Variants in PRH1 observed in about 807,000 individuals in gnomAD.
PRH1 encodes the protein salivary acidic proline-rich phosphoprotein 1/2.
In PRH1, 7 loss-of-function variants were observed where a neutral mutation model predicts 7.9. That is an observed-to-expected ratio of 0.89 (90% CI 0.50 to 1.67). The LOEUF (loss-of-function observed/expected upper bound fraction) is 1.67. PRH1 is among the 40% of genes most tolerant of loss of function. The probability of loss-of-function intolerance (pLI) is 0.00; values close to 1 mark genes in which losing one functional copy is unlikely to be tolerated. For synonymous variants in PRH1, 45 were observed against 80.8 expected (o/e 0.56, Z 2.38); for missense variants, 109 against 223.6 (o/e 0.49, Z 3.27).
At chr12:10,920,130 G>C (rs936125581) in intron 2 of PRH1, among the ~76,000 whole-genome samples, 4 of 151,970 alleles carry the variant, frequency 2.6e-5, no homozygotes, top group African/African-American at 9.7e-5. Context: ...CTTAACTCAA[G>C]TGATCTTCCC....
chr12:11,031,577 T>C lies in PRH1; in HGVS notation c.-126+15443A>G, dbSNP rs138630191. 8.9e-3 allele frequency among the ~76,000 whole-genome samples: 1,353 copies of C among 152,154 alleles called. 12 individuals carry two copies. Among genetic ancestry groups the C allele is most frequent in the Non-Finnish European group, 0.014 (939 of 67,998 alleles). On this transcript the variant is annotated intron_variant, in intron 1 of 3. Coordinates refer to the PRH1 transcript ENST00000539853. Reference sequence around the variant, plus strand: ...ACCCAGGCAGGTTGCTGCTGCTGGCTGAAGCCATGAGCTTTTATTCCCTTA... The same window carrying C: ...ACCCAGGCAGGTTGCTGCTGCTGGCCGAAGCCATGAGCTTTTATTCCCTTA...
At chr12:10,950,132 C>T (rs1950546937) in intron 2 of PRH1, among the ~76,000 whole-genome samples, 1 of 151,976 alleles carries the variant, frequency 6.6e-6, no homozygotes, top group Admixed American at 6.6e-5. Context: ...CATAAGTATG[C>T]CATAATTTAT....
At chr12:11,160,996 A>G (rs915462348) in intron 1 of PRH1, among the ~76,000 whole-genome samples, 6 of 152,168 alleles carry the variant, frequency 3.9e-5, no homozygotes, top group South Asian at 2.1e-4. Context: ...CATATAGACT[A>G]TATTTCCAAG....
intron 2 of PRH1, among the ~76,000 whole-genome samples, chr12:10,955,291 A>T (rs1454342736): frequency 6.6e-6 from 1 of 152,208 alleles, no homozygotes; most frequent in Non-Finnish European, 1.5e-5. Context: ...CCTTAAAACC[A>T]TATAATTACA....
chr12:10,987,486 C>T (rs1238936451), intron 1 of PRH1, among the ~76,000 whole-genome samples: 2 of 151,752 alleles, frequency 1.3e-5, no homozygotes, highest in Non-Finnish European at 2.9e-5. Context: ...GCTGCTAACC[C>T]AATACTTTTG....
chr12:10,908,750 C>T, intron 2 of PRH1: 2 of 1,613,876 alleles, frequency 1.2e-6, no homozygotes, highest in Admixed American at 1.7e-5. Context: ...TGAACATAGT[C>T]ATAGTGAATT....
Position 11,077,918 on chromosome 12 carries a change from T to A in PRH1, n.124-30730A>T, listed in dbSNP as rs148780492. On this transcript the variant is annotated intron_variant and non_coding_transcript_variant, in intron 1 of 4. Transcript: ENST00000541977. ...ATAAGGTTGGAGAAATTGGCAATCT[T>A]GAGCAAATAAAATATGCTGAGGCTA... 3.1e-4 allele frequency: 302 copies of A among 984,720 alleles called. 10 individuals are homozygous for A. In the East Asian group the frequency reaches 6.9e-3, roughly 23 times the overall value. The allele number at this position is 984,720 out of a possible 1,614,324, so 61.0% of individuals were successfully genotyped here. A position where few individuals can be genotyped will look rare whatever the true frequency, so the allele number is the denominator to read the frequency against.
At chr12:10,930,706 C>G in intron 2 of PRH1, 2 of 1,613,840 alleles carry the variant, frequency 1.2e-6, no homozygotes, top group African/African-American at 1.3e-5. Context: ...GCGTCAGGGA[C>G]CACCTTTGGG....
chr12:10,955,608 A>T (rs933466868), intron 2 of PRH1, among the ~76,000 whole-genome samples: 4 of 151,964 alleles, frequency 2.6e-5, no homozygotes, highest in Admixed American at 1.3e-4. Context: ...AATTGTGATT[A>T]AAAAAAACAT....
intron 1 of PRH1, among the ~76,000 whole-genome samples, chr12:11,074,252 A>T (rs1944204399): frequency 6.7e-6 from 1 of 150,178 alleles, no homozygotes; most frequent in South Asian, 2.1e-4. Context: ...TAGAGAACTT[A>T]TTTGGAGATT....
intron 2 of PRH1, among the ~76,000 whole-genome samples, chr12:10,970,432 A>G (rs906637518): frequency 3.3e-5 from 5 of 152,226 alleles, no homozygotes; most frequent in African/African-American, 9.6e-5. Context: ...TAAATTGGAA[A>G]TAAGAACAAA....
At chr12:11,002,983 A>G (rs1053060887) in intron 1 of PRH1, among the ~76,000 whole-genome samples, 1 of 151,996 alleles carries the variant, frequency 6.6e-6, no homozygotes, top group Non-Finnish European at 1.5e-5. Flanking sequence ...AAATTCCCTA[A>G]TTGCTGCCAA....
chr12:11,037,630 A>T (rs1404165198), intron 1 of PRH1, among the ~76,000 whole-genome samples: 2 of 152,264 alleles, frequency 1.3e-5, no homozygotes, highest in Non-Finnish European at 2.9e-5. Context: ...TCAAATTGGA[A>T]ATAAAAAGTG....
intron 2 of PRH1, among the ~76,000 whole-genome samples, chr12:10,925,812 G>C (rs867180305): frequency 6.6e-6 from 1 of 152,152 alleles, no homozygotes; most frequent in Non-Finnish European, 1.5e-5. Flanking sequence ...TGAATAGCAA[G>C]TGAGTAGTGG....
At chr12:10,929,435 AC>A in intron 2 of PRH1, 1 of 1,451,044 alleles carries the variant, frequency 6.9e-7, no homozygotes. Flanking sequence ...GGATGAGAAA[AC>A]AGATAGGACT....
intron 1 of PRH1, among the ~76,000 whole-genome samples, chr12:11,103,544 T>C (rs1198697560): frequency 2.1e-5 from 1 of 47,578 alleles, no homozygotes; most frequent in African/African-American, 8.2e-5. Flanking sequence ...TGTTGTGGGG[T>C]GGGGGGAGGA....
At chr12:10,935,197 A>G (rs1318351990) in intron 2 of PRH1, among the ~76,000 whole-genome samples, 2 of 152,178 alleles carry the variant, frequency 1.3e-5, no homozygotes, top group Non-Finnish European at 2.9e-5. Flanking sequence ...ATAACCTTAT[A>G]GGATTATTGT....
At chr12:11,038,387 C>T (rs1327315742) in intron 1 of PRH1, among the ~76,000 whole-genome samples, 2 of 152,228 alleles carry the variant, frequency 1.3e-5, no homozygotes, top group African/African-American at 4.8e-5. Flanking sequence ...TCCTTCTTGA[C>T]TATCCCAGTT....
intron 2 of PRH1, among the ~76,000 whole-genome samples, chr12:10,949,741 A>G (rs1950541346): frequency 6.6e-6 from 1 of 152,180 alleles, no homozygotes; most frequent in African/African-American, 2.4e-5. Context: ...GGAAAAAATT[A>G]TAAGTTTATC....
Sources: gnomAD v4.1 joint callset for allele counts (sites outside exome capture counted in the v4.1 genomes callset) on GRCh38, gnomAD v4.1.1 for gene constraint, MANE v1.5 for transcripts, NCBI Gene and HGNC (gene_info 2026-07-23, HGNC 2026-07-21) for gene names.